Variants in EPG5 observed in about 807,000 individuals in gnomAD.
The protein encoded by EPG5 is ectopic P-granules 5 autophagy tethering factor.
EPG5 carries 159 observed loss-of-function variants against 302.7 expected under a neutral mutation model. That is an observed-to-expected ratio of 0.53 (90% CI 0.46 to 0.60). The LOEUF (loss-of-function observed/expected upper bound fraction) is 0.60, where lower values mean the gene tolerates loss of function less well. EPG5 is among the 20% of genes least tolerant of loss of function. EPG5 has a pLI of 0.00. For missense variants in EPG5, 2,896 were observed against 3,092.4 expected, an observed-to-expected ratio of 0.94 and a Z score of 1.51; for synonymous variants, 1,158 against 1,136.8, an observed-to-expected ratio of 1.02 and a Z score of -0.37.
intron 42 of EPG5, 75 bp downstream of exon 42, chr18:45,857,778 A>G: frequency 8.5e-7 from 1 of 1,171,360 alleles, no homozygotes; most frequent in East Asian, 2.4e-5. Context: ...CTACTGAAGT[A>G]TATCACAACC....
chr18:45,891,270 G>T (rs577639813), intron 27 of EPG5, among the ~76,000 whole-genome samples: 11 of 151,988 alleles, frequency 7.2e-5, no homozygotes, highest in African/African-American at 2.4e-4. Context: ...AGGCCGAGGT[G>T]CGCGGATCAC....
Position 45,870,616 on chromosome 18 carries a change from G to A in EPG5, c.6176C>T (p.Pro2059Leu). 3 of 1,614,022 alleles carry A rather than the reference G, an allele frequency of 1.9e-6. No homozygotes were observed. The highest frequency in any genetic ancestry group is 2.5e-6 in the Non-Finnish European group (3 of 1,179,974). Reference sequence around the variant, plus strand: ...CTGGTCAGGGTGCAGGTCCTTCCATGGCAGTTTCCGGTACGTGCTATGGAA... The same window carrying A: ...CTGGTCAGGGTGCAGGTCCTTCCATAGCAGTTTCCGGTACGTGCTATGGAA... ...YAFHSTYRKL[P>L]WKDLHPDQML... Residue 2059 changes from proline (P) to leucine (L), a missense_variant, in exon 36 of 44, where the codon CCA (proline) becomes CTA (leucine). Physicochemically the swap from Pro to Leu is moderately conservative, Grantham distance 98. This residue lies in a region of EPG5 where 620 missense variants were observed against 704.2 expected (regional missense o/e 0.88). Coordinates refer to ENST00000282041, the MANE Select transcript of EPG5 (RefSeq NM_020964.3).
intron 16 of EPG5, among the ~76,000 whole-genome samples, chr18:45,920,116 TC>T (rs2050122294): frequency 6.6e-6 from 1 of 152,136 alleles, no homozygotes; most frequent in African/African-American, 2.4e-5. Context: ...TTTCCCTTCC[TC>T]TCCCCTTACC....
chr18:45,932,737 T>C (rs1175469835), intron 11 of EPG5, among the ~76,000 whole-genome samples: 1 of 142,350 alleles, frequency 7.0e-6, no homozygotes, highest in African/African-American at 2.9e-5. Flanking sequence ...AGCTAGAACA[T>C]AGTAGGCAGA....
chr18:45,965,882 C>T (rs2051238672), intron 1 of EPG5, among the ~76,000 whole-genome samples: 1 of 151,274 alleles, frequency 6.6e-6, no homozygotes, highest in Non-Finnish European at 1.5e-5. Context: ...GGAGAAACCC[C>T]GTCTCTACTA....
rs898750728 is a variant in EPG5, at chr18:45,849,524, A to G, written c.*2943T>C. The G allele has an allele frequency of 5.3e-5, 8 of 152,252 alleles. No homozygotes were observed. The highest frequency in any genetic ancestry group is 1.9e-4 in the African/African-American group (8 of 41,460). The allele number at this position is 152,252 out of a possible 1,614,324, so 9.4% of individuals were successfully genotyped here. A position where few individuals can be genotyped will look rare whatever the true frequency, so the allele number is the denominator to read the frequency against. The stretch of plus-strand genomic sequence containing the variant: ...ATAAAAACTCAGTGAAAAAGTATAT[A>G]TCACCTTCATTTGAAAGGAACGAGG... On this transcript the variant is annotated 3_prime_UTR_variant, in exon 44 of 44. Coordinates refer to ENST00000282041, the MANE Select transcript of EPG5 (RefSeq NM_020964.3).
At chr18:45,803,278 C>A in the EPG5 span, among the ~76,000 whole-genome samples, 2 of 152,172 alleles carry the variant, frequency 1.3e-5, no homozygotes, top group Non-Finnish European at 2.9e-5. Flanking sequence ...TCGAGTTCCA[C>A]TTCTGGTATG....
At position 45,910,557 on chromosome 18, in the gene EPG5, T is replaced by C. The variant is rs551488784; in HGVS notation, c.4169A>G (p.Tyr1390Cys). ...LPESHSGTPG[Y>C]LTSPELHKEL... ...CTTGTGCAGTTCTGGTGAAGTCAGG[T>C]AACCAGGGGTGCCAGAGTGGCTCTC... Residue 1390 changes from tyrosine to cysteine, a missense_variant, in exon 23 of 44, where the codon TAC becomes TGC. Coordinates refer to ENST00000282041, the MANE Select transcript of EPG5 (RefSeq NM_020964.3). 9.3e-6 allele frequency: 15 copies of C among 1,612,844 alleles called. No homozygotes were observed. The highest frequency in any genetic ancestry group is 1.3e-5 in the Non-Finnish European group (15 of 1,179,594).
chr18:45,956,611 A>AT (rs1388669990), intron 1 of EPG5, among the ~76,000 whole-genome samples: 6 of 151,780 alleles, frequency 4.0e-5, no homozygotes, highest in Admixed American at 6.6e-5. Context: ...CACCTGACTA[A>AT]TTTTTTGTAT....
At chr18:45,811,463 A>C in the EPG5 span, among the ~76,000 whole-genome samples, 13 of 152,168 alleles carry the variant, frequency 8.5e-5, no homozygotes, top group South Asian at 2.1e-4. Context: ...CACACACACA[A>C]AAAAGAGAAT....
In EPG5 at chr18:45,865,600, C is replaced by T. The variant is rs755531149; in HGVS notation, c.6766+15G>A. On this transcript the variant is annotated intron_variant, in intron 39 of 43. Coordinates refer to ENST00000282041, the MANE Select transcript of EPG5 (RefSeq NM_020964.3). ...ATTGACTGAATGAATACAGGACTTC[C>T]GACTGGTCACTTACCGGGCGGGTTA... 16 of 1,613,198 alleles carry T rather than the reference C, an allele frequency of 9.9e-6. No individual in the cohort carries two copies. The highest frequency in any genetic ancestry group is 6.6e-5 in the South Asian group (6 of 90,998).
chr18:45,869,492 C>T (rs1599452861), intron 36 of EPG5, among the ~76,000 whole-genome samples: 1 of 152,208 alleles, frequency 6.6e-6, no homozygotes, highest in East Asian at 1.9e-4. Flanking sequence ...CTACAGCATC[C>T]CTTAACAGGC....
At chr18:45,943,951 C>CCTGTGTTTA in intron 8 of EPG5, 54 bp downstream of exon 8, 1 of 1,129,392 alleles carries the variant, frequency 8.9e-7, no homozygotes, top group Non-Finnish European at 1.3e-6. Context: ...ATGCAGAGTT[C>CCTGTGTTTA]CTGTGTTTAC....
At chr18:45,864,951 T>C (rs1385823473) in intron 39 of EPG5, among the ~76,000 whole-genome samples, 2 of 152,210 alleles carry the variant, frequency 1.3e-5, no homozygotes, top group Non-Finnish European at 2.9e-5. Context: ...ACAGTAAAAA[T>C]GTCACCCTGT....
At chr18:45,930,322 G>A (rs1052283111) in intron 12 of EPG5, among the ~76,000 whole-genome samples, 2 of 152,112 alleles carry the variant, frequency 1.3e-5, no homozygotes, top group African/African-American at 4.8e-5. Flanking sequence ...ATTTAAACTG[G>A]CTGGGAAGCT....
chr18:45,965,762 T>C (rs550944561), intron 1 of EPG5, among the ~76,000 whole-genome samples: 105 of 152,276 alleles, frequency 6.9e-4, no homozygotes, highest in Middle Eastern at 6.8e-3. Flanking sequence ...TTAGAAAATA[T>C]ATATAAATAG....
chr18:45,879,503 G>A (rs906894760), intron 32 of EPG5, among the ~76,000 whole-genome samples: 2 of 152,264 alleles, frequency 1.3e-5, no homozygotes, highest in Non-Finnish European at 2.9e-5. Context: ...GAGTAGCTGG[G>A]ACTACAGGCG....
At chr18:45,951,287 G>A in intron 3 of EPG5, 49 bp from the exon 4 acceptor site, 1 of 1,338,156 alleles carries the variant, frequency 7.5e-7, no homozygotes, top group East Asian at 2.7e-5. Flanking sequence ...GTGTTTTTGG[G>A]GGAATTTTTA....
intron 4 of EPG5, among the ~76,000 whole-genome samples, chr18:45,950,705 TG>T (rs1419541109): frequency 4.6e-5 from 7 of 152,240 alleles, no homozygotes; most frequent in Non-Finnish European, 1.0e-4. Flanking sequence ...TACTTAGGTG[TG>T]GAATTTTCCA....
Sources: gnomAD v4.1 joint callset for allele counts (sites outside exome capture counted in the v4.1 genomes callset) on GRCh38, gnomAD v4.1.1 for gene constraint, gnomAD v4.1.1 regional missense constraint, MANE v1.5 for transcripts, NCBI Gene and HGNC (gene_info 2026-07-23, HGNC 2026-07-21) for gene names.